The following MYT1L variants were observed in gnomAD, a reference collection of about 807,000 sequenced individuals.
MYT1L encodes myelin transcription factor 1-like protein.
In MYT1L, 12 loss-of-function variants were observed where a neutral mutation model predicts 126.7. That is an observed-to-expected ratio of 0.09 (90% CI 0.06 to 0.15). The LOEUF is 0.15. Among genes scored for constraint, MYT1L ranks in the 10% least tolerant of loss-of-function variants. MYT1L has a pLI of 1.00. For missense variants in MYT1L, 979 were observed against 1,585.2 expected (o/e 0.62, Z 6.49); for synonymous variants, 541 against 604.2 (o/e 0.90, Z 1.53).
At chr2:2,125,479 G>A (rs981162558) in intron 3 of MYT1L, among the ~76,000 whole-genome samples, 4 of 152,146 alleles carry the variant, frequency 2.6e-5, no homozygotes, top group African/African-American at 4.8e-5. Flanking sequence ...CAGGAAACAG[G>A]TACATTCTGC....
chr2:2,086,324 C>T (rs929000851), intron 3 of MYT1L, among the ~76,000 whole-genome samples: 3 of 152,164 alleles, frequency 2.0e-5, no homozygotes, highest in African/African-American at 7.2e-5. Context: ...AAGGAATATG[C>T]ATTTAAACTG....
At chr2:1,934,317 T>A (rs967385115) in intron 9 of MYT1L, among the ~76,000 whole-genome samples, 2 of 141,858 alleles carry the variant, frequency 1.4e-5, no homozygotes, top group African/African-American at 2.6e-5. Flanking sequence ...TACAACCTCA[T>A]ATATGTAATT....
chr2:2,285,174 G>C (rs190844709), intron 1 of MYT1L, among the ~76,000 whole-genome samples: 58 of 152,356 alleles, frequency 3.8e-4, no homozygotes, highest in Admixed American at 3.2e-3. Context: ...TGCCCAAAAG[G>C]CTGCTTGTCA....
chr2:2,037,813 A>C (rs1009829158), intron 4 of MYT1L, among the ~76,000 whole-genome samples: 5 of 114,750 alleles, frequency 4.4e-5, no homozygotes, highest in African/African-American at 1.9e-4. Context: ...ACAAAAAAAA[A>C]ACCCCCTACA....
intron 1 of MYT1L, among the ~76,000 whole-genome samples, chr2:2,320,788 T>A (rs2149689335): frequency 6.6e-6 from 1 of 152,302 alleles, no homozygotes; most frequent in Non-Finnish European, 1.5e-5. Flanking sequence ...AGCAAGTCTA[T>A]CTGTAGGAAA....
chr2:1,897,460 TTTTG>T (rs1006681151), intron 14 of MYT1L, among the ~76,000 whole-genome samples: 23 of 151,516 alleles, frequency 1.5e-4, no homozygotes, highest in South Asian at 4.2e-4. Flanking sequence ...CTTTTTTTTT[TTTTG>T]TTTGTTTGTT....
At position 1,831,194 on chromosome 2, in the gene MYT1L, T is replaced by A. The variant is rs76251324; in HGVS notation, c.3080+7955A>T. 2.3e-3 allele frequency among the ~76,000 whole-genome samples: 353 copies of A among 150,510 alleles called. 3 individuals carry two copies. The highest frequency in any genetic ancestry group is 0.017 in the East Asian group (80 of 4,758). On this transcript the variant is annotated intron_variant, in intron 21 of 24. Transcript: ENST00000647738. Reference sequence around the variant, plus strand: ...CTTGTCCAGATGGAGCAGATGGAGCTCTGCTCCGAGGACCCCTGGCTCCCC... The same window carrying A: ...CTTGTCCAGATGGAGCAGATGGAGCACTGCTCCGAGGACCCCTGGCTCCCC...
At chr2:1,937,198 C>T (rs568624125) in intron 9 of MYT1L, among the ~76,000 whole-genome samples, 22 of 152,182 alleles carry the variant, frequency 1.4e-4, no homozygotes, top group Non-Finnish European at 3.2e-4. Flanking sequence ...GCTTCCTGTT[C>T]GACTCCCCTG....
intron 21 of MYT1L, among the ~76,000 whole-genome samples, chr2:1,820,001 T>C (rs993419196): frequency 1.4e-5 from 2 of 143,454 alleles, no homozygotes; most frequent in African/African-American, 2.7e-5. Flanking sequence ...GGCAGCAGCC[T>C]GGAGGATGCT....
intron 22 of MYT1L, among the ~76,000 whole-genome samples, chr2:1,807,561 G>C (rs994849512): frequency 6.6e-6 from 1 of 152,180 alleles, no homozygotes; most frequent in Non-Finnish European, 1.5e-5. Flanking sequence ...TGCTTGAAGA[G>C]GTTTGCAGGC....
intron 3 of MYT1L, among the ~76,000 whole-genome samples, chr2:2,131,728 G>T (rs902814603): frequency 6.6e-6 from 1 of 152,006 alleles, no homozygotes; most frequent in Admixed American, 6.6e-5. Context: ...AGACGTAACC[G>T]TGAGGTTTTG....
At chr2:2,025,803 C>G (rs2149866942) in intron 4 of MYT1L, among the ~76,000 whole-genome samples, 1 of 152,340 alleles carries the variant, frequency 6.6e-6, no homozygotes, top group South Asian at 2.1e-4. Context: ...CCCCAGCTCC[C>G]AAACCTGCAC....
intron 2 of MYT1L, among the ~76,000 whole-genome samples, chr2:2,215,044 C>T (rs978482348): frequency 9.2e-5 from 14 of 151,890 alleles, no homozygotes; most frequent in African/African-American, 3.4e-4. Context: ...ACATCCAAAG[C>T]GATGACTAAG....
rs2043397204 is a variant in MYT1L at position 1,852,451 on chromosome 2, AT to A, written c.2712-749del. 6.6e-6 allele frequency among the ~76,000 whole-genome samples: 1 copy of A among 152,166 alleles called. No individual in the cohort carries two copies. The highest frequency in any genetic ancestry group is 2.4e-5 in the African/African-American group (1 of 41,454). The stretch of plus-strand genomic sequence containing the variant: ...CGAGGCAACCCCATCCCGTTTCTTA[AT>A]TAAGGTCTTGCTATTTCTCTAATCA... On this transcript the variant is annotated intron_variant, in intron 18 of 24. Coordinates refer to ENST00000647738, the MANE Select transcript of MYT1L (RefSeq NM_001303052.2). This position sits in a 1 kb window ranked among gnomAD's most constrained non-coding sequence, Gnocchi z 4.0.
At chr2:1,828,238 T>C (rs544048686) in intron 21 of MYT1L, 9 of 152,158 alleles carry the variant, frequency 5.9e-5, no homozygotes, top group African/African-American at 1.9e-4. Flanking sequence ...GAGACCATAT[T>C]CCCAGCTTCC....
At position 1,910,134 on chromosome 2, in the gene MYT1L, T is replaced by C; in HGVS notation, c.1817+106A>G. 9.6e-7 allele frequency: 1 copy of C among 1,037,232 alleles called. No individual in the cohort carries two copies. The highest frequency in any genetic ancestry group is 1.4e-6 in the Non-Finnish European group (1 of 701,096). 64.3% of individuals were successfully genotyped at this position (1,037,232 alleles called of 1,614,324 possible). On this transcript the variant is annotated intron_variant, in intron 13 of 24. Transcript: ENST00000647738. This position sits in a 1 kb window ranked among gnomAD's most constrained non-coding sequence, Gnocchi z 4.8. ...CAGCACAGCCCCGCCCTCCAGTCCC[T>C]GCCCCTGCTGCTGTAGGGACATGCC...
At chr2:1,865,190 C>A (rs1191028822) in intron 18 of MYT1L, among the ~76,000 whole-genome samples, 1 of 152,132 alleles carries the variant, frequency 6.6e-6, no homozygotes, top group Non-Finnish European at 1.5e-5. Context: ...GTGGACTCAG[C>A]GCCTGCTTTG....
chr2:2,154,061 A>C (rs1468486015), intron 3 of MYT1L, among the ~76,000 whole-genome samples: 1 of 152,134 alleles, frequency 6.6e-6, no homozygotes, highest in Non-Finnish European at 1.5e-5. Flanking sequence ...GCCTTAGTCC[A>C]CTGTAAATGT....
At chr2:2,322,765 A>G (rs1469248669) in intron 1 of MYT1L, among the ~76,000 whole-genome samples, 1 of 152,202 alleles carries the variant, frequency 6.6e-6, no homozygotes, top group Admixed American at 6.5e-5. Flanking sequence ...TCATAAAGCT[A>G]AAAGCAGCTA....
Sources: gnomAD v4.1 joint callset for allele counts (sites outside exome capture counted in the v4.1 genomes callset) on GRCh38, gnomAD v4.1.1 for gene constraint, Gnocchi (gnomAD v3.1) non-coding constraint, MANE v1.5 for transcripts, NCBI Gene and HGNC (gene_info 2026-07-23, HGNC 2026-07-21) for gene names.